TOX2: variants seen among roughly 807,000 people sequenced by gnomAD.
The protein encoded by TOX2 is TOX high mobility group box family member 2.
In TOX2, 15 loss-of-function variants were observed where a neutral mutation model predicts 47.4. That is an observed-to-expected ratio of 0.32 (90% confidence interval 0.21 to 0.49). The LOEUF (loss-of-function observed/expected upper bound fraction) is 0.49, where lower values mean the gene tolerates loss of function less well. TOX2 is among the 20% of genes least tolerant of loss of function. The pLI is 0.99. For synonymous variants in TOX2, 290 were observed against 296.6 expected (o/e 0.98, Z 0.23); for missense variants, 622 against 673.1 (o/e 0.92, Z 0.84).
chr20:43,927,659 C>CCCTTCCTT lies in TOX2; in HGVS notation c.99+12678_99+12685dup, dbSNP rs1490715554. ...TCCTTCCTCCCCTTCCCTTCCCTTC[C>CCCTTCCTT]CCTTCCTTCCTTCCTTTCTTCCTTC... On this transcript the variant is annotated intron_variant, in intron 1 of 8. Coordinates refer to ENST00000341197, the MANE Select transcript of TOX2 (RefSeq NM_001098797.2). Among the ~76,000 whole-genome samples the CCCTTCCTT allele has an allele frequency of 1.8e-5, 2 of 112,776 alleles. 1 individual carries two copies. Among genetic ancestry groups the CCCTTCCTT allele is most frequent in the African/African-American group, 1.0e-4 (2 of 19,962 alleles). 74.0% of individuals were successfully genotyped at this position (112,776 alleles called of 152,430 possible). A position where few individuals can be genotyped will look rare whatever the true frequency, so the allele number is the denominator to read the frequency against.
intron 2 of TOX2, among the ~76,000 whole-genome samples, chr20:43,995,736 C>T (rs1375110857): frequency 6.6e-6 from 1 of 152,168 alleles, no homozygotes; most frequent in African/African-American, 2.4e-5. Context: ...TCACTTAGCT[C>T]TCACTTGTGA....
intron 1 of TOX2, among the ~76,000 whole-genome samples, chr20:43,923,677 C>G (rs1407205753): frequency 6.6e-6 from 1 of 152,160 alleles, no homozygotes; most frequent in African/African-American, 2.4e-5. Context: ...TTCTCAAGCC[C>G]CTTGGTGGGT....
rs2069049779 is a variant in TOX2 at position 43,915,877 on chromosome 20, G to A, written c.99+887G>A. ...GGATCTATCCCCCCACCCCAGCCAG[G>A]TCCCAGCTGCGCTGCGCCGGGCGCA... is the stretch of plus-strand genomic sequence containing the variant. On this transcript the variant is annotated intron_variant, in intron 1 of 8. Transcript: ENST00000341197. This position sits in a 1 kb window ranked among gnomAD's most constrained non-coding sequence, Gnocchi z 7.1. 6.6e-6 allele frequency among the ~76,000 whole-genome samples: 1 copy of A among 152,202 alleles called. No individual in the cohort carries two copies. The highest frequency in any genetic ancestry group is 6.5e-5 in the Admixed American group (1 of 15,292).
chr20:44,029,272 A>T (rs547323976), intron 3 of TOX2, among the ~76,000 whole-genome samples: 127 of 152,360 alleles, frequency 8.3e-4, no homozygotes, highest in African/African-American at 3.0e-3. Context: ...TCAAAACAAG[A>T]CGGATATTGC....
At chr20:44,017,041 TGGCCTGAAG>T (rs2070891690) in intron 3 of TOX2, among the ~76,000 whole-genome samples, 1 of 152,270 alleles carries the variant, frequency 6.6e-6, no homozygotes, top group Non-Finnish European at 1.5e-5. Flanking sequence ...CAGCCTGGGA[TGGCCTGAAG>T]GCTGGGCCTG....
At chr20:43,989,650 T>A (rs1286934465) in intron 2 of TOX2, among the ~76,000 whole-genome samples, 3 of 151,808 alleles carry the variant, frequency 2.0e-5, no homozygotes, top group African/African-American at 7.3e-5. Flanking sequence ...CATGGTGGCA[T>A]GTGTCTGTAA....
At chr20:44,052,837 C>A (rs895263807) in intron 4 of TOX2, among the ~76,000 whole-genome samples, 1 of 152,172 alleles carries the variant, frequency 6.6e-6, no homozygotes, top group African/African-American at 2.4e-5. Flanking sequence ...GTGCCCTCAA[C>A]CCCCTGCCCT....
chr20:44,053,532 CATATATACTATATATAT>C (rs2071559976), intron 4 of TOX2, among the ~76,000 whole-genome samples: 2 of 44,540 alleles, frequency 4.5e-5, no homozygotes, highest in Middle Eastern at 0.014. Flanking sequence ...CATATATATA[CATATATACTATATATAT>C]ACATATATAC....
intron 1 of TOX2, among the ~76,000 whole-genome samples, chr20:43,937,715 G>C (rs1380062725): frequency 6.6e-6 from 1 of 152,144 alleles, no homozygotes; most frequent in African/African-American, 2.4e-5. Context: ...AGGGCTGGGA[G>C]GGCCATCCTG....
chr20:43,991,502 A>G (rs2070367560), intron 2 of TOX2, among the ~76,000 whole-genome samples: 2 of 152,166 alleles, frequency 1.3e-5, no homozygotes, highest in African/African-American at 4.8e-5. Context: ...CCTTTTATTC[A>G]GTAAATGTTT....
At position 44,066,712 on chromosome 20, in the gene TOX2, C is replaced by T. The variant is rs770766885; in HGVS notation, c.1357-18C>T. 8.1e-6 allele frequency: 13 copies of T among 1,614,096 alleles called. No individual in the cohort carries two copies. In the South Asian group the frequency reaches 1.4e-4, roughly 18 times the overall value. ...TCATCTCTCCTTGGCTCATGGCCTC[C>T]TCCTTCCCACTCTGTAGGACTTCCC... On this transcript the variant is annotated intron_variant, in intron 7 of 8. Transcript: ENST00000341197.
chr20:43,940,624 T>C (rs1019286312), intron 1 of TOX2, among the ~76,000 whole-genome samples: 4 of 149,134 alleles, frequency 2.7e-5, no homozygotes, highest in African/African-American at 5.0e-5. Context: ...GCCAGAAGGG[T>C]GAGAGGCTGA....
intron 3 of TOX2, 111 bp from the exon 4 acceptor site, chr20:44,051,195 C>T (rs1036459159): frequency 1.1e-4 from 162 of 1,453,918 alleles, no homozygotes; most frequent in African/African-American, 8.1e-4. Context: ...GAGCAGGAGC[C>T]GCACCCATCA....
At chr20:43,990,178 C>G (rs927409756) in intron 2 of TOX2, among the ~76,000 whole-genome samples, 1 of 152,152 alleles carries the variant, frequency 6.6e-6, no homozygotes, top group South Asian at 2.1e-4. Flanking sequence ...GATAAGGATA[C>G]CTCTACACAT....
At chr20:43,984,498 G>A (rs768785905) in intron 2 of TOX2, among the ~76,000 whole-genome samples, 13 of 152,174 alleles carry the variant, frequency 8.5e-5, no homozygotes, top group Non-Finnish European at 1.9e-4. Context: ...GAAAACTGCC[G>A]AGGAGGAGTG....
At chr20:43,934,442 C>T (rs927566040) in intron 1 of TOX2, among the ~76,000 whole-genome samples, 9 of 152,146 alleles carry the variant, frequency 5.9e-5, no homozygotes, top group African/African-American at 1.9e-4. Context: ...GGCACTGGGC[C>T]GGGGTCACAG....
intron 3 of TOX2, among the ~76,000 whole-genome samples, chr20:44,019,279 C>A (rs1418434324): frequency 6.6e-6 from 1 of 152,218 alleles, no homozygotes; most frequent in Admixed American, 6.5e-5. Flanking sequence ...AGATAGAATT[C>A]TGCTCATTTA....
chr20:44,020,895 G>T (rs533465168), intron 3 of TOX2, among the ~76,000 whole-genome samples: 1 of 152,294 alleles, frequency 6.6e-6, no homozygotes, highest in South Asian at 2.1e-4. Flanking sequence ...TTTCCCCCCA[G>T]AGGAACTCGA....
At chr20:43,981,073 T>C (rs1016524238) in intron 2 of TOX2, among the ~76,000 whole-genome samples, 1 of 152,188 alleles carries the variant, frequency 6.6e-6, no homozygotes, top group Non-Finnish European at 1.5e-5. Flanking sequence ...CAAGTGGCTC[T>C]TAAGTATGTG....
Sources: gnomAD v4.1 joint callset for allele counts (sites outside exome capture counted in the v4.1 genomes callset) on GRCh38, gnomAD v4.1.1 for gene constraint, Gnocchi (gnomAD v3.1) non-coding constraint, MANE v1.5 for transcripts, NCBI Gene and HGNC (gene_info 2026-07-23, HGNC 2026-07-21) for gene names.